The following MUC5AC variants were observed in gnomAD, a reference collection of about 807,000 sequenced individuals.
The protein encoded by MUC5AC is mucin 5AC, oligomeric mucus/gel-forming.
MUC5AC carries 158 observed loss-of-function variants against 169.7 expected under a neutral mutation model. The observed-to-expected ratio is 0.93, with a 90% confidence interval of 0.82 to 1.06. The LOEUF is 1.06. Ranked by LOEUF, MUC5AC falls within the 50% of genes least tolerant of loss-of-function variation. The pLI, the probability that MUC5AC is intolerant of heterozygous loss-of-function variation, is 0.00. For missense variants in MUC5AC, 4,359 were observed against 3,089.9 expected, an observed-to-expected ratio of 1.41 and a Z score of -9.74; for synonymous variants, 1,975 against 1,237.0, an observed-to-expected ratio of 1.60 and a Z score of -12.52.
intron 3 of MUC5AC, 37 bp from the exon 4 acceptor site, chr11:1,161,870 G>A: frequency 1.3e-6 from 2 of 1,594,606 alleles, no homozygotes; most frequent in Non-Finnish European, 1.7e-6. Context: ...CGAGGATGAG[G>A]GCGACGCCCC....
intron 17 of MUC5AC, 84 bp downstream of exon 17, chr11:1,174,706 A>C: frequency 1.7e-6 from 1 of 597,166 alleles, no homozygotes. Context: ...AGGTTGCTCT[A>C]AGGGCCCCCG....
At position 1,179,107 on chromosome 11, in the gene MUC5AC, T is replaced by G; in HGVS notation, c.3343T>G (p.Tyr1115Asp). ...ACHAHVEPAR[Y>D]YEACVNDACA... is the part of the protein sequence containing the mutation. The stretch of plus-strand genomic sequence containing the variant: ...TCTCCCTCAGGTGGAGCCGGCCAGG[T>G]ACTACGAGGCCTGCGTGAACGACGC... The change falls in exon 26 of 49, where the codon TAC becomes GAC. Residue 1115 changes from tyrosine (Y) to aspartate (D), a missense_variant. Coordinates refer to ENST00000621226, the MANE Select transcript of MUC5AC (RefSeq NM_001304359.2). 1 of 586,588 alleles carries G rather than the reference T, an allele frequency of 1.7e-6. No homozygotes were observed. Among genetic ancestry groups the G allele is most frequent in the African/African-American group, 1.8e-5 (1 of 54,126 alleles). The allele number at this position is 586,588 out of a possible 1,614,324, so 36.3% of individuals were successfully genotyped here. A position where few individuals can be genotyped will look rare whatever the true frequency, so the allele number is the denominator to read the frequency against.
rs13380 is a variant in MUC5AC, at chr11:1,201,105, A to C, written c.*403A>C. 1 of 178,036 alleles carries C rather than the reference A, an allele frequency of 5.6e-6. No homozygotes were observed. The highest frequency in any genetic ancestry group is 1.2e-5 in the Non-Finnish European group (1 of 85,492). 11.0% of individuals were successfully genotyped at this position (178,036 alleles called of 1,614,324 possible). Reference sequence around the variant, plus strand: ...CGCTCCCCTCCTCAGTACACGGCCAATCTGTTGCATAAATACACTTGAGCA... The same window carrying C: ...CGCTCCCCTCCTCAGTACACGGCCACTCTGTTGCATAAATACACTTGAGCA... On this transcript the variant is annotated 3_prime_UTR_variant, in exon 49 of 49. Transcript: ENST00000621226.
Position 1,186,948 on chromosome 11 carries a change from G to C in MUC5AC, c.8803G>C (p.Val2935Leu), listed in dbSNP as rs1338787333. Reference sequence around the variant, plus strand: ...AGCTACTACAACCAGCACAATCTCTGTTCCTACAACCAGCACAACTTCTGT... The same window carrying C: ...AGCTACTACAACCAGCACAATCTCTCTTCCTACAACCAGCACAACTTCTGT... ...TSATTTSTIS[V>L]PTTSTTSVPG... is the part of the protein sequence containing the mutation. The change falls in exon 31 of 49, where the codon GTT becomes CTT. Residue 2935 changes from valine to leucine, a missense_variant. Transcript: ENST00000621226. The C allele has an allele frequency of 4.1e-6, 3 of 729,580 alleles. No homozygotes were observed. Among genetic ancestry groups the C allele is most frequent in the Non-Finnish European group, 7.5e-6 (3 of 400,712 alleles). The allele number at this position is 729,580 out of a possible 1,614,324, so 45.2% of individuals were successfully genotyped here.
In MUC5AC at chr11:1,193,570, C is replaced by G. The variant is rs371506371; in HGVS notation, c.14666C>G (p.Pro4889Arg). Residue 4889 changes from proline to arginine, a missense_variant, in exon 33 of 49, where the codon CCG becomes CGG. By Grantham distance (103) the Pro-to-Arg change is moderately radical. Coordinates refer to ENST00000621226, the MANE Select transcript of MUC5AC (RefSeq NM_001304359.2). ...ATCTCCCTGCGCCCGCGCACGTGCC[C>G]GAGGGTGGAGAAGCCCACTTGTGCC... ...NVISLRPRTC[P>R]RVEKPTCANG... The G allele has an allele frequency of 6.5e-6, 5 of 764,836 alleles. No homozygotes were observed. In the East Asian group the frequency reaches 1.2e-4, roughly 19 times the overall value. The allele number at this position is 764,836 out of a possible 1,614,324, so 47.4% of individuals were successfully genotyped here. A position where few individuals can be genotyped will look rare whatever the true frequency, so the allele number is the denominator to read the frequency against.
In MUC5AC at chr11:1,178,563, C is replaced by G. The variant is rs1860740120; in HGVS notation, c.3207C>G (p.Pro1069=). The change falls in exon 25 of 49, where the codon CCC becomes CCG. Residue 1069 remains proline, a synonymous_variant. Transcript: ENST00000621226. ...LEFGNSWKLS[P]SCPDALAPKD... The stretch of plus-strand genomic sequence containing the variant: ...TTGGGAACAGCTGGAAGCTCTCCCC[C>G]TCCTGCCCAGATGCCCTGGCGCCCA... 7 of 1,395,014 alleles carry G rather than the reference C, an allele frequency of 5.0e-6. No homozygotes were observed. The highest frequency in any genetic ancestry group is 1.9e-4 in the Middle Eastern group (1 of 5,298). The allele number at this position is 1,395,014 out of a possible 1,614,324, so 86.4% of individuals were successfully genotyped here.
chr11:1,197,717 G>A (rs1181725337), intron 41 of MUC5AC, 78 bp downstream of exon 41: 10 of 638,680 alleles, frequency 1.6e-5, no homozygotes, highest in Non-Finnish European at 2.9e-5. Flanking sequence ...CTTTGCTGCT[G>A]CCTTGGGGCG....
In MUC5AC at chr11:1,190,274, C is replaced by T. The variant is rs2133765155; in HGVS notation, c.12129C>T (p.Asn4043=). The T allele has an allele frequency of 1.4e-6, 1 of 714,566 alleles. No homozygotes were observed. The highest frequency in any genetic ancestry group is 1.7e-5 in the African/African-American group (1 of 57,330). The allele number at this position is 714,566 out of a possible 1,614,324, so 44.3% of individuals were successfully genotyped here. The change falls in exon 31 of 49, where the codon AAC becomes AAT. Residue 4043 remains asparagine, a synonymous_variant. Coordinates refer to ENST00000621226, the MANE Select transcript of MUC5AC (RefSeq NM_001304359.2). Reference sequence around the variant, plus strand: ...AGGGACCCTTCAAGATGTGCCTCAACTACGAGGTGCGTGTGCTCTGCTGCG... The same window carrying T: ...AGGGACCCTTCAAGATGTGCCTCAATTACGAGGTGCGTGTGCTCTGCTGCG... ...DQQGPFKMCL[N]YEVRVLCCET...
rs984265928 is a variant in MUC5AC, at chr11:1,162,094, G to A, written c.399G>A (p.Leu133=). Residue 133 remains leucine, a synonymous_variant, in exon 4 of 49, where the codon CTG becomes CTA. Transcript: ENST00000621226. ...GCCAGGAGTCAGCGGCCCCCACGCT[G>A]AGCAGGGTCCTCATGAAGGTGGATG... ...RRSQESAAPT[L]SRVLMKVDGV... 6.8e-6 allele frequency: 11 copies of A among 1,612,608 alleles called. No individual in the cohort carries two copies. The highest frequency in any genetic ancestry group is 8.5e-6 in the Non-Finnish European group (10 of 1,179,854).
intron 20 of MUC5AC, 60 bp downstream of exon 20, chr11:1,176,311 G>A (rs1041244387): frequency 3.8e-5 from 15 of 398,730 alleles, no homozygotes; most frequent in Middle Eastern, 6.3e-4. Flanking sequence ...TGCTAAGGGC[G>A]CCTGTCCCCA....
In MUC5AC at chr11:1,186,004, C is replaced by T; in HGVS notation, c.7859C>T (p.Thr2620Ile). ...TSTNSAPISSTTSATTTSRIS... is the reference protein window; with the variant it reads ...TSTNSAPISSITSATTTSRIS... Reference sequence around the variant, plus strand: ...ACAAACTCTGCCCCTATAAGCAGCACAACCTCTGCCACTACAACCAGCAGA... The same window carrying T: ...ACAAACTCTGCCCCTATAAGCAGCATAACCTCTGCCACTACAACCAGCAGA... The change falls in exon 31 of 49, where the codon ACA becomes ATA. Residue 2620 changes from threonine to isoleucine, a missense_variant. Transcript: ENST00000621226. The T allele has an allele frequency of 1.4e-6, 1 of 727,928 alleles. No homozygotes were observed. The highest frequency in any genetic ancestry group is 2.5e-6 in the Non-Finnish European group (1 of 398,730). 45.1% of individuals were successfully genotyped at this position (727,928 alleles called of 1,614,324 possible). A position where few individuals can be genotyped will look rare whatever the true frequency, so the allele number is the denominator to read the frequency against.
intron 15 of MUC5AC, among the ~76,000 whole-genome samples, chr11:1,171,519 A>AT (rs1860535664): frequency 7.8e-6 from 1 of 127,768 alleles, no homozygotes. Flanking sequence ...TCACCCACTC[A>AT]CTCACCCACT....
chr11:1,180,098 C>T lies in MUC5AC; in HGVS notation c.3561C>T (p.Arg1187=), dbSNP rs879072773. 46,541 of 399,002 alleles carry T rather than the reference C, an allele frequency of 0.12. 3,344 individuals are homozygous for T. Among genetic ancestry groups the T allele is most frequent in the Non-Finnish European group, 0.15 (34,547 of 226,168 alleles). The allele number at this position is 399,002 out of a possible 1,614,324, so 24.7% of individuals were successfully genotyped here. A position where few individuals can be genotyped will look rare whatever the true frequency, so the allele number is the denominator to read the frequency against. ...HYQPCGVPCL[R]TCRNPRGDCL... ...AGCCCTGCGGGGTGCCCTGCCTGCGCACCTGCCGGAACCCCCGTGGAGACT... is the reference window on the plus strand; with the variant it reads ...AGCCCTGCGGGGTGCCCTGCCTGCGTACCTGCCGGAACCCCCGTGGAGACT... The change falls in exon 27 of 49, where the codon CGC becomes CGT. Residue 1187 remains arginine, a synonymous_variant. Coordinates refer to ENST00000621226, the MANE Select transcript of MUC5AC (RefSeq NM_001304359.2).
chr11:1,198,413 G>T (rs1861339162), intron 43 of MUC5AC, 108 bp downstream of exon 43: 2 of 687,460 alleles, frequency 2.9e-6, no homozygotes, highest in Admixed American at 4.0e-5. Flanking sequence ...CCGAGGCCAG[G>T]GACTCGAGTC....
rs756797156 is a variant in MUC5AC, at chr11:1,195,157, C to T, written c.15336C>T (p.Val5112=). 9.9e-5 allele frequency: 75 copies of T among 761,164 alleles called. No individual in the cohort carries two copies. The highest frequency in any genetic ancestry group is 1.3e-4 in the South Asian group (10 of 74,244). 47.2% of individuals were successfully genotyped at this position (761,164 alleles called of 1,614,324 possible). A position where few individuals can be genotyped will look rare whatever the true frequency, so the allele number is the denominator to read the frequency against. The change falls in exon 36 of 49, where the codon GTC becomes GTT. Residue 5112 remains valine, a synonymous_variant. Transcript: ENST00000621226. ...GGCCTCACCCGACGCCCACCACGGT[C>T]GGGCCCACCACAGTTGGGTCTACCA... is the stretch of plus-strand genomic sequence containing the variant. ...CHRPHPTPTT[V]GPTTVGSTTV...
At position 1,193,668 on chromosome 11, in the gene MUC5AC, A is replaced by C. The variant is rs1463809749; in HGVS notation, c.14755+9A>C. ...TCACTACCAGTGCCAGTGTGAGTGG[A>C]GCGCCGAGCGGGACCCAGGGCAGCC... On this transcript the variant is annotated intron_variant, in intron 33 of 48. Transcript: ENST00000621226. The C allele has an allele frequency of 1.3e-6, 1 of 763,832 alleles. No homozygotes were observed. Among genetic ancestry groups the C allele is most frequent in the Non-Finnish European group, 2.4e-6 (1 of 417,110 alleles). 47.3% of individuals were successfully genotyped at this position (763,832 alleles called of 1,614,324 possible). A position where few individuals can be genotyped will look rare whatever the true frequency, so the allele number is the denominator to read the frequency against.
At chr11:1,169,604 C>T (rs1386495292) in intron 15 of MUC5AC, among the ~76,000 whole-genome samples, 12 of 146,500 alleles carry the variant, frequency 8.2e-5, no homozygotes, top group Non-Finnish European at 1.5e-4. Flanking sequence ...CTCACTCACT[C>T]ACCCACTCAC....
Position 1,194,523 on chromosome 11 carries a change from C to CGGAAAAACGGCATCGT in MUC5AC, c.15046_15061dup (p.Val5021GlufsTer58). 1 of 762,852 alleles carries CGGAAAAACGGCATCGT rather than the reference C, an allele frequency of 1.3e-6. No homozygotes were observed. Among genetic ancestry groups the CGGAAAAACGGCATCGT allele is most frequent in the Non-Finnish European group, 2.4e-6 (1 of 416,490 alleles). 47.3% of individuals were successfully genotyped at this position (762,852 alleles called of 1,614,324 possible). On this transcript the variant is annotated frameshift_variant, in exon 35 of 49. Coordinates refer to ENST00000621226, the MANE Select transcript of MUC5AC (RefSeq NM_001304359.2). LOFTEE classifies it high-confidence loss of function. Reference sequence around the variant, plus strand: ...CAACAAGGTGGTCAGCCCCGGCTTCCGGAAAAACGGCATCGTGGTCTCGCG... The same window carrying CGGAAAAACGGCATCGT: ...CAACAAGGTGGTCAGCCCCGGCTTCCGGAAAAACGGCATCGTGGAAAAACGGCATCGTGGTCTCGCG...
rs1331026398 is a variant in MUC5AC at position 1,181,256 on chromosome 11, C to T, written c.3821-15C>T. 23 of 398,272 alleles carry T rather than the reference C, an allele frequency of 5.8e-5. No homozygotes were observed. The highest frequency in any genetic ancestry group is 4.4e-5 in the Admixed American group (1 of 22,704). 24.7% of individuals were successfully genotyped at this position (398,272 alleles called of 1,614,324 possible). A position where few individuals can be genotyped will look rare whatever the true frequency, so the allele number is the denominator to read the frequency against. ...CGCCCAGCCTCTGACGGGCCTGGGC[C>T]CTCCGTCCCCATAGCCTGTGTCTGC... On this transcript the variant is annotated splice_polypyrimidine_tract_variant and intron_variant, in intron 29 of 48. Coordinates refer to ENST00000621226, the MANE Select transcript of MUC5AC (RefSeq NM_001304359.2).
Sources: gnomAD v4.1 joint callset for allele counts (sites outside exome capture counted in the v4.1 genomes callset) on GRCh38, gnomAD v4.1.1 for gene constraint, MANE v1.5 for transcripts, NCBI Gene and HGNC (gene_info 2026-07-23, HGNC 2026-07-21) for gene names.